DNAJB5: variants seen among roughly 807,000 people sequenced by gnomAD.
The protein encoded by DNAJB5 is dnaJ homolog subfamily B member 5.
DNAJB5 carries 12 observed loss-of-function variants against 32.6 expected under a neutral mutation model. The ratio of observed to expected loss-of-function variants is 0.37; its 90% confidence interval spans 0.24 to 0.60. The LOEUF (loss-of-function observed/expected upper bound fraction) is 0.60, where lower values mean the gene tolerates loss of function less well. Ranked by LOEUF, DNAJB5 falls within the 20% of genes least tolerant of loss-of-function variation. DNAJB5 has a pLI of 0.71. For synonymous variants in DNAJB5, 188 were observed against 212.9 expected, an observed-to-expected ratio of 0.88 and a Z score of 1.02; for missense variants, 358 against 554.2, an observed-to-expected ratio of 0.65 and a Z score of 3.55.
Position 34,997,665 on chromosome 9 carries a change from G to A in DNAJB5, c.*406G>A. ...CTTTGGCTTCCTGCTGTTGGGGGTGGAAAAGACTAGAAAGGACATTGCTTT... is the reference window on the plus strand; with the variant it reads ...CTTTGGCTTCCTGCTGTTGGGGGTGAAAAAGACTAGAAAGGACATTGCTTT... On this transcript the variant is annotated 3_prime_UTR_variant, in exon 5 of 5. Transcript: ENST00000682809. The surrounding 1 kb of genome is among the most constrained non-coding windows in gnomAD (Gnocchi z 4.1). The A allele has an allele frequency of 2.8e-6, 1 of 352,720 alleles. No individual in the cohort carries two copies. Among genetic ancestry groups the A allele is most frequent in the Non-Finnish European group, 5.5e-6 (1 of 180,284 alleles). 21.8% of individuals were successfully genotyped at this position (352,720 alleles called of 1,614,324 possible). A position where few individuals can be genotyped will look rare whatever the true frequency, so the allele number is the denominator to read the frequency against.
chr9:34,990,289 C>G lies in DNAJB5; in HGVS notation c.-132-210C>G. 1 of 1,407,088 alleles carries G rather than the reference C, an allele frequency of 7.1e-7. No individual in the cohort carries two copies. The highest frequency in any genetic ancestry group is 9.4e-7 in the Non-Finnish European group (1 of 1,067,012). The allele number at this position is 1,407,088 out of a possible 1,614,324, so 87.2% of individuals were successfully genotyped here. A position where few individuals can be genotyped will look rare whatever the true frequency, so the allele number is the denominator to read the frequency against. On this transcript the variant is annotated intron_variant, in intron 1 of 4. Coordinates refer to ENST00000682809, the MANE Select transcript of DNAJB5 (RefSeq NM_001349723.3). The surrounding 1 kb of genome is among the most constrained non-coding windows in gnomAD (Gnocchi z 4.5). ...TTGGGGATTGGGGTCGGGTCCTCCC[C>G]AGTGAGAGGCGACAGGAGCTCACTG...
rs1415466284 is a variant in DNAJB5 at position 34,989,840 on chromosome 9, G to A, written c.-133+9G>A. ...CCCGCAGCTCCTCACCGGTGAGGGC[G>A]CCAAGCCAGGACTCGGGGGTCCCGG... On this transcript the variant is annotated intron_variant, in intron 1 of 4. Coordinates refer to ENST00000682809, the MANE Select transcript of DNAJB5 (RefSeq NM_001349723.3). 2.4e-6 allele frequency: 3 copies of A among 1,234,446 alleles called. No homozygotes were observed. The highest frequency in any genetic ancestry group is 3.1e-5 in the African/African-American group (2 of 64,384). 76.5% of individuals were successfully genotyped at this position (1,234,446 alleles called of 1,614,324 possible).
chr9:34,990,494 ATCAGG>A lies in DNAJB5; in HGVS notation c.-132-2_-130del. 2 of 1,537,758 alleles carry A rather than the reference ATCAGG, an allele frequency of 1.3e-6. No individual in the cohort carries two copies. The highest frequency in any genetic ancestry group is 8.7e-7 in the Non-Finnish European group (1 of 1,146,528). On this transcript the variant is annotated splice_acceptor_variant and splice_polypyrimidine_tract_variant and 5_prime_UTR_variant and intron_variant, in exon 2 of 5. Transcript: ENST00000682809. LOFTEE classifies it low-confidence loss of function (5UTR_SPLICE). This position sits in a 1 kb window ranked among gnomAD's most constrained non-coding sequence, Gnocchi z 4.5. ...CTCCCTTCACTCTCCACATTTGGGGATCAGGTCCGGCACCTGCTGCGCCAGACAGG... is the reference window on the plus strand; with the variant it reads ...CTCCCTTCACTCTCCACATTTGGGGATCCGGCACCTGCTGCGCCAGACAGG...
chr9:34,990,245 G>A lies in DNAJB5; in HGVS notation c.-132-254G>A. On this transcript the variant is annotated intron_variant, in intron 1 of 4. Coordinates refer to ENST00000682809, the MANE Select transcript of DNAJB5 (RefSeq NM_001349723.3). This position sits in a 1 kb window ranked among gnomAD's most constrained non-coding sequence, Gnocchi z 4.5. ...TGCGAGGGAGGAGACTCCCGTCAGTGACTTCATTGAGTAGGTTCTTGGGGA... is the reference window on the plus strand; with the variant it reads ...TGCGAGGGAGGAGACTCCCGTCAGTAACTTCATTGAGTAGGTTCTTGGGGA... 2 of 1,331,528 alleles carry A rather than the reference G, an allele frequency of 1.5e-6. No homozygotes were observed. The highest frequency in any genetic ancestry group is 1.4e-5 in the South Asian group (1 of 72,344). 82.5% of individuals were successfully genotyped at this position (1,331,528 alleles called of 1,614,324 possible). A position where few individuals can be genotyped will look rare whatever the true frequency, so the allele number is the denominator to read the frequency against.
rs767798459 is a variant in DNAJB5, at chr9:34,993,269, A to T, written c.252A>T (p.Pro84=). The change falls in exon 3 of 5, where the codon CCA becomes CCT. Residue 84 remains proline, a synonymous_variant. Transcript: ENST00000682809. This position sits in a 1 kb window ranked among gnomAD's most constrained non-coding sequence, Gnocchi z 4.7. Reference sequence around the variant, plus strand: ...ATTATTACAAGATTCTTGGGATCCCATCGGGGGCCAACGAGGATGAGATCA... The same window carrying T: ...ATTATTACAAGATTCTTGGGATCCCTTCGGGGGCCAACGAGGATGAGATCA... ...GKDYYKILGI[P]SGANEDEIKK... is the part of the protein sequence containing the mutation. The T allele has an allele frequency of 8.7e-6, 14 of 1,614,078 alleles. No individual in the cohort carries two copies. In the African/African-American group the frequency reaches 1.7e-4, roughly 20 times the overall value.
At chr9:34,992,742 C>A in intron 2 of DNAJB5, 1 of 989,736 alleles carries the variant, frequency 1.0e-6, no homozygotes, top group Non-Finnish European at 1.2e-6. Flanking sequence ...TCCTGGGCCA[C>A]TGCCCCAGCT....
At position 34,993,550 on chromosome 9, in the gene DNAJB5, G is replaced by T; in HGVS notation, c.427+106G>T. 1 of 1,447,210 alleles carries T rather than the reference G, an allele frequency of 6.9e-7. No homozygotes were observed. Among genetic ancestry groups the T allele is most frequent in the East Asian group, 2.3e-5 (1 of 43,594 alleles). 89.6% of individuals were successfully genotyped at this position (1,447,210 alleles called of 1,614,324 possible). A position where few individuals can be genotyped will look rare whatever the true frequency, so the allele number is the denominator to read the frequency against. On this transcript the variant is annotated intron_variant, in intron 3 of 4. Coordinates refer to ENST00000682809, the MANE Select transcript of DNAJB5 (RefSeq NM_001349723.3). This position sits in a 1 kb window ranked among gnomAD's most constrained non-coding sequence, Gnocchi z 4.7. ...AACTGGAGGCTGTGGAGGGGGTGAGGGCAGCAAGGGTTTCCAGCACTGTCA... is the reference window on the plus strand; with the variant it reads ...AACTGGAGGCTGTGGAGGGGGTGAGTGCAGCAAGGGTTTCCAGCACTGTCA...
Position 34,990,611 on chromosome 9 carries a change from G to T in DNAJB5, c.-20G>T. 6.4e-7 allele frequency: 1 copy of T among 1,551,516 alleles called. No individual in the cohort carries two copies. The highest frequency in any genetic ancestry group is 8.7e-7 in the Non-Finnish European group (1 of 1,146,944). ...GGCCGGCTCCGGTGGAGCGATCAGA[G>T]GTGAGGGGCTTGGCTGGGCATGTTT... On this transcript the variant is annotated 5_prime_UTR_variant, in exon 2 of 5. It adds an upstream start codon to the 5' untranslated region. Transcript: ENST00000682809. This position sits in a 1 kb window ranked among gnomAD's most constrained non-coding sequence, Gnocchi z 4.5.
chr9:34,994,121 C>T (rs903020222), intron 3 of DNAJB5, among the ~76,000 whole-genome samples: 15 of 152,174 alleles, frequency 9.9e-5, no homozygotes, highest in African/African-American at 2.9e-4. Flanking sequence ...GATGTAGCTG[C>T]TAATTCTGGG....
In DNAJB5 at chr9:34,993,542, G is replaced by A. The variant is rs1309617219; in HGVS notation, c.427+98G>A. 1 of 1,492,826 alleles carries A rather than the reference G, an allele frequency of 6.7e-7. No homozygotes were observed. The highest frequency in any genetic ancestry group is 9.0e-7 in the Non-Finnish European group (1 of 1,114,670). The allele number at this position is 1,492,826 out of a possible 1,614,324, so 92.5% of individuals were successfully genotyped here. A position where few individuals can be genotyped will look rare whatever the true frequency, so the allele number is the denominator to read the frequency against. On this transcript the variant is annotated intron_variant, in intron 3 of 4. Coordinates refer to ENST00000682809, the MANE Select transcript of DNAJB5 (RefSeq NM_001349723.3). This position sits in a 1 kb window ranked among gnomAD's most constrained non-coding sequence, Gnocchi z 4.7. Reference sequence around the variant, plus strand: ...TAGCGGGGAACTGGAGGCTGTGGAGGGGGTGAGGGCAGCAAGGGTTTCCAG... The same window carrying A: ...TAGCGGGGAACTGGAGGCTGTGGAGAGGGTGAGGGCAGCAAGGGTTTCCAG...
In DNAJB5 at chr9:34,990,109, G is replaced by A; in HGVS notation, c.-133+278G>A. 1 of 772,016 alleles carries A rather than the reference G, an allele frequency of 1.3e-6. No homozygotes were observed. Among genetic ancestry groups the A allele is most frequent in the South Asian group, 1.8e-5 (1 of 54,152 alleles). The allele number at this position is 772,016 out of a possible 1,614,324, so 47.8% of individuals were successfully genotyped here. A position where few individuals can be genotyped will look rare whatever the true frequency, so the allele number is the denominator to read the frequency against. On this transcript the variant is annotated intron_variant, in intron 1 of 4. Transcript: ENST00000682809. This position sits in a 1 kb window ranked among gnomAD's most constrained non-coding sequence, Gnocchi z 4.5. ...GGCGGAGGCATCTGTGAGCAGACCA[G>A]CCAGCCAGCGCGGGTGACATCACCG...
rs1351286412 is a variant in DNAJB5, at chr9:34,990,419, C to G, written c.-132-80C>G. 6.5e-7 allele frequency: 1 copy of G among 1,531,216 alleles called. No individual in the cohort carries two copies. The highest frequency in any genetic ancestry group is 2.5e-5 in the East Asian group (1 of 40,670). 94.9% of individuals were successfully genotyped at this position (1,531,216 alleles called of 1,614,324 possible). On this transcript the variant is annotated intron_variant, in intron 1 of 4. Coordinates refer to ENST00000682809, the MANE Select transcript of DNAJB5 (RefSeq NM_001349723.3). The surrounding 1 kb of genome is among the most constrained non-coding windows in gnomAD (Gnocchi z 4.5). ...ACTGACACGCTGCCATACAGCCGCT[C>G]ACAGCCAGCCAGACACTGCTGCACC... is the stretch of plus-strand genomic sequence containing the variant.
Position 34,993,570 on chromosome 9 carries a change from C to T in DNAJB5, c.427+126C>T. ...GTGAGGGCAGCAAGGGTTTCCAGCA[C>T]TGTCACCCAGAGAAGAGAGAAGCCC... On this transcript the variant is annotated intron_variant, in intron 3 of 4. Transcript: ENST00000682809. This position sits in a 1 kb window ranked among gnomAD's most constrained non-coding sequence, Gnocchi z 4.7. 1.5e-6 allele frequency: 2 copies of T among 1,309,600 alleles called. No homozygotes were observed. The allele number at this position is 1,309,600 out of a possible 1,614,324, so 81.1% of individuals were successfully genotyped here. A position where few individuals can be genotyped will look rare whatever the true frequency, so the allele number is the denominator to read the frequency against.
rs1328827406 is a variant in DNAJB5 at position 34,997,000 on chromosome 9, C to A, written c.1030-26C>A. 6.8e-6 allele frequency: 11 copies of A among 1,608,608 alleles called. No homozygotes were observed. Among genetic ancestry groups the A allele is most frequent in the Non-Finnish European group, 9.3e-6 (11 of 1,179,156 alleles). On this transcript the variant is annotated intron_variant, in intron 4 of 4. Transcript: ENST00000682809. This position sits in a 1 kb window ranked among gnomAD's most constrained non-coding sequence, Gnocchi z 7.2. ...CCCACTCACCTTACCCCACCTTTTC[C>A]TCACTTTCTGCTTCGTCTTTCCCAG...
chr9:34,996,193 G>C lies in DNAJB5; in HGVS notation c.428-72G>C. On this transcript the variant is annotated intron_variant, in intron 3 of 4. Transcript: ENST00000682809. The surrounding 1 kb of genome is among the most constrained non-coding windows in gnomAD (Gnocchi z 7.2). Reference sequence around the variant, plus strand: ...CTTTAAGCCTGTGAACTGGGAGCTAGAGGGCAGGGGGAAGACACTGGGATT... The same window carrying C: ...CTTTAAGCCTGTGAACTGGGAGCTACAGGGCAGGGGGAAGACACTGGGATT... 1 of 1,540,172 alleles carries C rather than the reference G, an allele frequency of 6.5e-7. No individual in the cohort carries two copies. Among genetic ancestry groups the C allele is most frequent in the Non-Finnish European group, 8.7e-7 (1 of 1,145,470 alleles).
In DNAJB5 at chr9:34,997,747, C is replaced by T. The variant is rs1422770429; in HGVS notation, c.*488C>T. 3.5e-6 allele frequency: 1 copy of T among 288,906 alleles called. No individual in the cohort carries two copies. The highest frequency in any genetic ancestry group is 6.8e-6 in the Non-Finnish European group (1 of 146,594). 17.9% of individuals were successfully genotyped at this position (288,906 alleles called of 1,614,324 possible). A position where few individuals can be genotyped will look rare whatever the true frequency, so the allele number is the denominator to read the frequency against. On this transcript the variant is annotated 3_prime_UTR_variant, in exon 5 of 5. Transcript: ENST00000682809. This position sits in a 1 kb window ranked among gnomAD's most constrained non-coding sequence, Gnocchi z 4.1. ...AGGTAATGGCACACATATTCATGCA[C>T]AAGAAGCACTCACCTAGAGCTGTCT...
At chr9:34,994,558 A>G (rs1419756643) in intron 3 of DNAJB5, among the ~76,000 whole-genome samples, 2 of 152,110 alleles carry the variant, frequency 1.3e-5, no homozygotes, top group African/African-American at 4.8e-5. Flanking sequence ...GATGGGAGGG[A>G]TAGGAGTGGA....
chr9:34,998,260 T>C lies in DNAJB5; in HGVS notation c.*1001T>C, dbSNP rs1053159872. On this transcript the variant is annotated 3_prime_UTR_variant, in exon 5 of 5. Coordinates refer to ENST00000682809, the MANE Select transcript of DNAJB5 (RefSeq NM_001349723.3). ...GTGTGATCCCACCCCACCCCCATAG[T>C]TGTATAAAGGTCATAGTGAAGAAGC... The C allele has an allele frequency of 2.0e-5, 3 of 152,574 alleles. No homozygotes were observed. The highest frequency in any genetic ancestry group is 7.2e-5 in the African/African-American group (3 of 41,416). The allele number at this position is 152,574 out of a possible 1,614,324, so 9.5% of individuals were successfully genotyped here.
Position 34,996,839 on chromosome 9 carries a change from C to G in DNAJB5, c.1002C>G (p.Leu334=). The change falls in exon 4 of 5, where the codon CTC becomes CTG. Residue 334 remains leucine, a synonymous_variant. Transcript: ENST00000682809. The surrounding 1 kb of genome is among the most constrained non-coding windows in gnomAD (Gnocchi z 7.2). The stretch of plus-strand genomic sequence containing the variant: ...TCCGCCGAGATGGCACCAACGTGCT[C>G]TACAGTGCCCTGATCAGCCTCAAGG... The part of the protein sequence containing the change: ...AHFRRDGTNV[L]YSALISLKEA... The G allele has an allele frequency of 6.2e-7, 1 of 1,612,086 alleles. No individual in the cohort carries two copies. The highest frequency in any genetic ancestry group is 8.5e-7 in the Non-Finnish European group (1 of 1,179,130).
Sources: allele counts gnomAD v4.1 joint callset (sites outside exome capture counted in the v4.1 genomes callset), GRCh38; gene constraint gnomAD v4.1.1; non-coding constraint Gnocchi (gnomAD v3.1); transcripts MANE v1.5; gene names NCBI Gene and HGNC (gene_info 2026-07-23, HGNC 2026-07-21).